PTPRD: variants seen among roughly 807,000 people sequenced by gnomAD.
PTPRD encodes protein tyrosine phosphatase receptor type D.
Under a neutral mutation model 214.5 loss-of-function variants are expected in PTPRD, and 34 were observed. That is an observed-to-expected ratio of 0.16 (90% CI 0.12 to 0.21). PTPRD has a LOEUF of 0.21. PTPRD is among the 10% of genes least tolerant of loss of function. PTPRD has a pLI of 1.00. For missense variants in PTPRD, 2,545 were observed against 2,398.7 expected (o/e 1.06, Z -1.27); for synonymous variants, 1,128 against 845.7 (o/e 1.33, Z -5.79).
intron 5 of PTPRD, among the ~76,000 whole-genome samples, chr9:9,859,922 T>G (rs748021319): frequency 1.3e-5 from 2 of 152,136 alleles, no homozygotes; most frequent in African/African-American, 4.8e-5. Flanking sequence ...TATAGAAAAA[T>G]TGCAACTTAG....
intron 5 of PTPRD, among the ~76,000 whole-genome samples, chr9:9,863,374 A>AT (rs1249330871): frequency 6.6e-6 from 1 of 152,188 alleles, no homozygotes; most frequent in Non-Finnish European, 1.5e-5. Flanking sequence ...CGACAGTCAT[A>AT]TTTTTAAATG....
intron 3 of PTPRD, among the ~76,000 whole-genome samples, chr9:10,179,021 CAAAT>C (rs1217518531): frequency 6.6e-6 from 1 of 151,740 alleles, no homozygotes; most frequent in African/African-American, 2.4e-5. Context: ...CATGAACAAT[CAAAT>C]AAGAGAGATT....
At chr9:9,448,890 A>G (rs1224000103) in intron 8 of PTPRD, among the ~76,000 whole-genome samples, 2 of 152,076 alleles carry the variant, frequency 1.3e-5, no homozygotes, top group African/African-American at 4.8e-5. Context: ...CTCGTCTTCC[A>G]TCAGCAACTC....
intron 9 of PTPRD, among the ~76,000 whole-genome samples, chr9:9,379,641 G>C (rs191265993): frequency 1.3e-5 from 2 of 151,966 alleles, no homozygotes; most frequent in Admixed American, 1.3e-4. Context: ...CTGACATCTT[G>C]ATATTATATC....
chr9:10,573,153 T>G (rs1383170121), intron 2 of PTPRD, among the ~76,000 whole-genome samples: 1 of 152,126 alleles, frequency 6.6e-6, no homozygotes. Context: ...CCCACAAAAA[T>G]AGAACAAGAT....
chr9:10,047,895 T>C (rs1300881136), intron 3 of PTPRD, among the ~76,000 whole-genome samples: 1 of 152,140 alleles, frequency 6.6e-6, no homozygotes, highest in African/African-American at 2.4e-5. Context: ...ACAGAAATAT[T>C]AGCTCCTCTC....
intron 2 of PTPRD, among the ~76,000 whole-genome samples, chr9:10,489,164 T>C (rs1004122749): frequency 3.3e-5 from 5 of 152,028 alleles, no homozygotes; most frequent in Non-Finnish European, 7.4e-5. Flanking sequence ...AACTCCTCAA[T>C]TATCAGGCGA....
intron 3 of PTPRD, among the ~76,000 whole-genome samples, chr9:10,213,264 T>A (rs1011753173): frequency 4.6e-5 from 7 of 152,198 alleles, no homozygotes; most frequent in African/African-American, 1.7e-4. Flanking sequence ...GTCAAAACAT[T>A]ATAAAATAGA....
At chr9:10,348,308 T>C (rs2154450724) in intron 2 of PTPRD, among the ~76,000 whole-genome samples, 1 of 152,272 alleles carries the variant, frequency 6.6e-6, no homozygotes, top group South Asian at 2.1e-4. Context: ...ACTTTCTCAA[T>C]ATGAAATGTT....
At chr9:9,859,286 T>C (rs2062186282) in intron 5 of PTPRD, among the ~76,000 whole-genome samples, 1 of 152,214 alleles carries the variant, frequency 6.6e-6, no homozygotes, top group Non-Finnish European at 1.5e-5. Context: ...TAAGTATCTT[T>C]ATAGTAGTGT....
chr9:9,830,626 C>G (rs1570590), intron 5 of PTPRD, among the ~76,000 whole-genome samples: 76,056 of 151,646 alleles, frequency 0.5, 19,983 homozygotes, highest in East Asian at 0.89. Flanking sequence ...CTGCAGCTAG[C>G]ACCTGAGTGT....
chr9:9,778,077 C>A (rs761819526), intron 5 of PTPRD, among the ~76,000 whole-genome samples: 1 of 152,078 alleles, frequency 6.6e-6, no homozygotes, highest in Non-Finnish European at 1.5e-5. Context: ...AGTGACACTC[C>A]CATTGAGAGA....
rs997778565 is a variant in PTPRD, at chr9:9,882,888, G to A, written c.-368+55619C>T. ...CTGTGAATGGCTTAGTGCCCTCCCTGTGGTAATGAGGTCACATGAGTTTTG... is the reference window on the plus strand; with the variant it reads ...CTGTGAATGGCTTAGTGCCCTCCCTATGGTAATGAGGTCACATGAGTTTTG... On this transcript the variant is annotated intron_variant, in intron 5 of 45. Coordinates refer to ENST00000381196, the MANE Select transcript of PTPRD (RefSeq NM_002839.4). 1.1e-4 allele frequency among the ~76,000 whole-genome samples: 17 copies of A among 152,228 alleles called. No individual in the cohort carries two copies. The East Asian group carries it at 2.7e-3, about 24-fold the overall frequency.
At chr9:10,498,315 A>G (rs934771589) in intron 2 of PTPRD, among the ~76,000 whole-genome samples, 4 of 151,990 alleles carry the variant, frequency 2.6e-5, no homozygotes, top group African/African-American at 9.7e-5. Flanking sequence ...AGGAGAGAAA[A>G]GGTTATCTTA....
At chr9:10,125,447 AT>A (rs1480595482) in intron 3 of PTPRD, among the ~76,000 whole-genome samples, 1 of 133,686 alleles carries the variant, frequency 7.5e-6, no homozygotes, top group Non-Finnish European at 1.6e-5. Flanking sequence ...TATTATTATT[AT>A]TATTATTATT....
chr9:9,278,522 T>C (rs1946478264), intron 9 of PTPRD, among the ~76,000 whole-genome samples: 1 of 151,316 alleles, frequency 6.6e-6, no homozygotes, highest in Admixed American at 6.6e-5. Flanking sequence ...ATTGAGGATA[T>C]GTATATTTTA....
chr9:9,512,016 T>C (rs2096721943), intron 8 of PTPRD, among the ~76,000 whole-genome samples: 1 of 151,788 alleles, frequency 6.6e-6, no homozygotes, highest in African/African-American at 2.4e-5. Context: ...AAATCCCATC[T>C]AGAAGAACAG....
chr9:9,992,635 T>C (rs1300157013), intron 4 of PTPRD, among the ~76,000 whole-genome samples: 1 of 152,056 alleles, frequency 6.6e-6, no homozygotes, highest in Non-Finnish European at 1.5e-5. Context: ...AAAGGATGAG[T>C]TCATGTCCTT....
chr9:10,324,264 C>G (rs965898607), intron 3 of PTPRD, among the ~76,000 whole-genome samples: 1 of 151,992 alleles, frequency 6.6e-6, no homozygotes, highest in African/African-American at 2.4e-5. Flanking sequence ...TAGCCCACCC[C>G]TTCTCTTAGA....
Sources: allele counts gnomAD v4.1 joint callset (sites outside exome capture counted in the v4.1 genomes callset), GRCh38; gene constraint gnomAD v4.1.1; transcripts MANE v1.5; gene names NCBI Gene and HGNC (gene_info 2026-07-23, HGNC 2026-07-21).